TIMM21: variants seen among roughly 807,000 people sequenced by gnomAD.
TIMM21 encodes the protein translocase of inner mitochondrial membrane 21.
Under a neutral mutation model 27.7 loss-of-function variants are expected in TIMM21, and 30 were observed. The ratio of observed to expected loss-of-function variants is 1.08; its 90% CI spans 0.81 to 1.47. TIMM21 has a LOEUF of 1.47. Ranked by LOEUF, TIMM21 falls within the 40% of genes most tolerant of loss-of-function variation. The pLI is 0.00. For synonymous variants in TIMM21, 121 were observed against 114.4 expected (o/e 1.06, Z -0.37); for missense variants, 292 against 302.9 (o/e 0.96, Z 0.27).
chr18:74,155,155 C>G lies in TIMM21; in HGVS notation c.312C>G (p.Ala104=), dbSNP rs1289147684. Residue 104 remains alanine (A), a synonymous_variant, in exon 2 of 6, where the codon GCC becomes GCG. Coordinates refer to ENST00000169551, the MANE Select transcript of TIMM21 (RefSeq NM_014177.3). ...GTTTTCTCTTCACAGTGAAAGAAGC[C>G]GGAAGAGATTTTACCTATTTAATAG... ...AVPTSQKVKE[A]GRDFTYLIVV... is the part of the protein sequence containing the mutation. 1 of 1,614,014 alleles carries G rather than the reference C, an allele frequency of 6.2e-7. No homozygotes were observed. Among genetic ancestry groups the G allele is most frequent in the Non-Finnish European group, 8.5e-7 (1 of 1,180,036 alleles).
chr18:74,150,153 T>TG (rs1228061595), intron 1 of TIMM21, among the ~76,000 whole-genome samples: 1 of 152,214 alleles, frequency 6.6e-6, no homozygotes, highest in Non-Finnish European at 1.5e-5. Flanking sequence ...CTCTCACACT[T>TG]GCAGCTTCTC....
At chr18:74,151,650 G>A (rs1347722928) in intron 1 of TIMM21, among the ~76,000 whole-genome samples, 1 of 152,160 alleles carries the variant, frequency 6.6e-6, no homozygotes, top group Non-Finnish European at 1.5e-5. Context: ...GTCAGCTGGT[G>A]GGTTTTCGGG....
In TIMM21 at chr18:74,159,705, TTGAC is replaced by T. The variant is rs1432054805; in HGVS notation, c.*1229_*1232del. On this transcript the variant is annotated 3_prime_UTR_variant, in exon 6 of 6. Transcript: ENST00000169551. ...ACTCGTCTCCCTGACGTAACACACTTTGACTGAATGAGGCCTTAACTTAGGCTTT... is the reference window on the plus strand; with the variant it reads ...ACTCGTCTCCCTGACGTAACACACTTTGAATGAGGCCTTAACTTAGGCTTT... The T allele has an allele frequency of 2.0e-5, 3 of 152,338 alleles. No homozygotes were observed. The highest frequency in any genetic ancestry group is 3.9e-4 in the East Asian group (2 of 5,186). The allele number at this position is 152,338 out of a possible 1,614,324, so 9.4% of individuals were successfully genotyped here. A position where few individuals can be genotyped will look rare whatever the true frequency, so the allele number is the denominator to read the frequency against.
rs1214221595 is a variant in TIMM21 at position 74,148,850 on chromosome 18, G to A, written c.42G>A (p.Lys14=). 6.2e-7 allele frequency: 1 copy of A among 1,613,954 alleles called. No homozygotes were observed. The highest frequency in any genetic ancestry group is 1.1e-5 in the South Asian group (1 of 91,086). ...TACGAGCCGTACAGTATACGGAGAA[G>A]CTGCACAGGTCCTCGGCAAAGCGAT... is the stretch of plus-strand genomic sequence containing the variant. ...TFLRAVQYTE[K]LHRSSAKRLL... is the part of the protein sequence containing the mutation. The change falls in exon 1 of 6, where the codon AAG becomes AAA. Residue 14 remains lysine, a synonymous_variant. Coordinates refer to ENST00000169551, the MANE Select transcript of TIMM21 (RefSeq NM_014177.3).
At chr18:74,154,589 T>C (rs1979899786) in intron 1 of TIMM21, among the ~76,000 whole-genome samples, 1 of 152,258 alleles carries the variant, frequency 6.6e-6, no homozygotes. Context: ...TGAGTTTCTC[T>C]AGCTCTCAGA....
rs1388009561 is a variant in TIMM21, at chr18:74,159,746, G to GT, written c.*1272dup. On this transcript the variant is annotated 3_prime_UTR_variant, in exon 6 of 6. Transcript: ENST00000169551. ...TTAACTTAGGCTTTCTCTCCTAATCGTTTTTTCCTTTGCTATAGAATGTTC... is the reference window on the plus strand; with the variant it reads ...TTAACTTAGGCTTTCTCTCCTAATCGTTTTTTTCCTTTGCTATAGAATGTTC... 2.6e-5 allele frequency: 4 copies of GT among 152,242 alleles called. No homozygotes were observed. Among genetic ancestry groups the GT allele is most frequent in the East Asian group, 1.9e-4 (1 of 5,182 alleles). The allele number at this position is 152,242 out of a possible 1,614,324, so 9.4% of individuals were successfully genotyped here. A position where few individuals can be genotyped will look rare whatever the true frequency, so the allele number is the denominator to read the frequency against.
chr18:74,155,486 C>T, intron 3 of TIMM21, 83 bp downstream of exon 3: 1 of 1,085,166 alleles, frequency 9.2e-7, no homozygotes, highest in Non-Finnish European at 1.4e-6. Flanking sequence ...AATTCAAGAA[C>T]CAGTTCTCAC....
Position 74,158,631 on chromosome 18 carries a change from G to T in TIMM21, c.*151G>T. 1 of 592,014 alleles carries T rather than the reference G, an allele frequency of 1.7e-6. No individual in the cohort carries two copies. The allele number at this position is 592,014 out of a possible 1,614,324, so 36.7% of individuals were successfully genotyped here. Reference sequence around the variant, plus strand: ...GTATTTGTTGCATTTAAACAAACTAGACATTTTCTTACGGAAAAATTATGA... The same window carrying T: ...GTATTTGTTGCATTTAAACAAACTATACATTTTCTTACGGAAAAATTATGA... On this transcript the variant is annotated 3_prime_UTR_variant, in exon 6 of 6. Transcript: ENST00000169551.
chr18:74,154,996 G>A (rs1399818126), intron 1 of TIMM21, 149 bp from the exon 2 acceptor site: 1 of 683,956 alleles, frequency 1.5e-6, no homozygotes, highest in Non-Finnish European at 2.6e-6. Flanking sequence ...GACACACAGG[G>A]AGTTTTCAAA....
Position 74,158,681 on chromosome 18 carries a change from C to A in TIMM21, c.*201C>A. On this transcript the variant is annotated 3_prime_UTR_variant, in exon 6 of 6. Transcript: ENST00000169551. ...AAATACAGCATATTTTATGTTCTCC[C>A]ATTGACTCAATCATGACAATATTTC... 2.1e-6 allele frequency: 1 copy of A among 482,642 alleles called. No homozygotes were observed. The allele number at this position is 482,642 out of a possible 1,614,324, so 29.9% of individuals were successfully genotyped here.
At chr18:74,155,035 C>T (rs547208227) in intron 1 of TIMM21, 110 bp from the exon 2 acceptor site, 2 of 1,037,932 alleles carry the variant, frequency 1.9e-6, no homozygotes, top group East Asian at 2.4e-5. Flanking sequence ...ACACAGACCC[C>T]TTGCTTTGAT....
Position 74,148,825 on chromosome 18 carries a change from T to A in TIMM21, c.17T>A (p.Leu6Gln), listed in dbSNP as rs756906326. The change falls in exon 1 of 6, where the codon CTA (leucine) becomes CAA (glutamine). Residue 6 changes from leucine (L) to glutamine (Q), a missense_variant. Transcript: ENST00000169551. MICTFLRAVQYTEKLH... is the reference protein window; with the variant it reads MICTFQRAVQYTEKLH... ...TCCGTGAACATGATTTGTACTTTTC[T>A]ACGAGCCGTACAGTATACGGAGAAG... The A allele has an allele frequency of 1.9e-6, 3 of 1,603,932 alleles. No individual in the cohort carries two copies. The highest frequency in any genetic ancestry group is 3.3e-5 in the Admixed American group (2 of 59,772).
intron 1 of TIMM21, among the ~76,000 whole-genome samples, chr18:74,153,469 T>G (rs1265916358): frequency 2.6e-5 from 4 of 152,210 alleles, no homozygotes. Flanking sequence ...GTTATTGTAT[T>G]CTCAACCTGG....
intron 4 of TIMM21, 41 bp from the exon 5 acceptor site, chr18:74,158,130 A>G (rs756642954): frequency 1.1e-5 from 17 of 1,613,858 alleles, no homozygotes; most frequent in Non-Finnish European, 1.3e-5. Context: ...GGAGATTTTT[A>G]AATGAAAGGA....
intron 1 of TIMM21, among the ~76,000 whole-genome samples, chr18:74,154,231 A>G (rs533834866): frequency 4.7e-4 from 71 of 152,284 alleles, no homozygotes; most frequent in African/African-American, 1.7e-3. Flanking sequence ...ATTTATTTAT[A>G]GCTATACATA....
At position 74,148,719 on chromosome 18, in the gene TIMM21, G is replaced by T. The variant is rs1599205534; in HGVS notation, c.-90G>T. ...CCATGTAATGTAAACGTATAGGCTT[G>T]AGTACGTGTCCGGCCGCATGTGTAG... On this transcript the variant is annotated 5_prime_UTR_variant, in exon 1 of 6. Transcript: ENST00000169551. 35 of 1,317,466 alleles carry T rather than the reference G, an allele frequency of 2.7e-5. No homozygotes were observed. The East Asian group carries it at 5.4e-4, about 20-fold the overall frequency. 81.6% of individuals were successfully genotyped at this position (1,317,466 alleles called of 1,614,324 possible).
Position 74,151,943 on chromosome 18 carries a change from C to CA in TIMM21, c.301+2834_301+2835insA, listed in dbSNP as rs922943506. Among the ~76,000 whole-genome samples the CA allele has an allele frequency of 1.1e-4, 16 of 145,966 alleles. 2 individuals are homozygous for CA. Among genetic ancestry groups the CA allele is most frequent in the African/African-American group, 4.1e-4 (15 of 36,850 alleles). On this transcript the variant is annotated intron_variant, in intron 1 of 5. Coordinates refer to ENST00000169551, the MANE Select transcript of TIMM21 (RefSeq NM_014177.3). The stretch of plus-strand genomic sequence containing the variant: ...GAAGCAGTGGTGTCTATGTTCCCCC[C>CA]CCCCCCGGGGGGACCTCCAGCTCCT...
At chr18:74,153,767 T>G (rs968300324) in intron 1 of TIMM21, among the ~76,000 whole-genome samples, 1 of 152,224 alleles carries the variant, frequency 6.6e-6, no homozygotes, top group South Asian at 2.1e-4. Flanking sequence ...AATACTTCTT[T>G]TAAACAATGT....
rs371309985 is a variant in TIMM21, at chr18:74,155,184, T to C, written c.341T>C (p.Val114Ala). ...AGAGATTTTACCTATTTAATAGTGG[T>C]GCTTTTTGGAATCAGCATTACAGGT... Reference protein sequence around the residue: ...AGRDFTYLIVVLFGISITGGL... With the variant: ...AGRDFTYLIVALFGISITGGL... Residue 114 changes from valine (V) to alanine (A), a missense_variant, in exon 2 of 6, where the codon GTG becomes GCG. By Grantham distance (64) the Val-to-Ala change is moderately conservative. Transcript: ENST00000169551. The C allele has an allele frequency of 9.0e-5, 145 of 1,614,244 alleles. 5 individuals are homozygous for C. In the East Asian group the frequency reaches 1.5e-3, roughly 17 times the overall value.
Sources: allele counts gnomAD v4.1 joint callset (sites outside exome capture counted in the v4.1 genomes callset), GRCh38; gene constraint gnomAD v4.1.1; transcripts MANE v1.5; gene names NCBI Gene and HGNC (gene_info 2026-07-23, HGNC 2026-07-21).